Variants in COL4A4 observed in about 807,000 individuals in gnomAD.
The protein encoded by COL4A4 is collagen alpha-4(IV) chain.
In COL4A4, 105 loss-of-function variants were observed where a neutral mutation model predicts 192.9. The observed-to-expected ratio is 0.54, with a 90% CI of 0.46 to 0.64. The LOEUF is 0.64. Ranked by LOEUF, COL4A4 falls within the 30% of genes least tolerant of loss-of-function variation. The pLI is 0.00. For synonymous variants in COL4A4, 762 were observed against 769.9 expected (o/e 0.99, Z 0.17); for missense variants, 1,967 against 2,169.3 (o/e 0.91, Z 1.85).
At chr2:227,037,158 C>G (rs1180274785) in intron 37 of COL4A4, among the ~76,000 whole-genome samples, 1 of 152,126 alleles carries the variant, frequency 6.6e-6, no homozygotes, top group Admixed American at 6.5e-5. Context: ...CATAGGTATA[C>G]ATGTGCCATG....
Position 227,022,088 on chromosome 2 carries a change from T to G in COL4A4, c.4176A>C (p.Gly1392=), listed in dbSNP as rs753458224. Residue 1392 remains glycine (G), a synonymous_variant, in exon 44 of 48, where the codon GGA becomes GGC. Transcript: ENST00000396625. ...PGAPGMRGPE[G]AMGLPGMRGP... Reference sequence around the variant, plus strand: ...CTCTCATTCCAGGGAGCCCCATGGCTCCTTCTGGTCCTCTCATGCCTGGCG... The same window carrying G: ...CTCTCATTCCAGGGAGCCCCATGGCGCCTTCTGGTCCTCTCATGCCTGGCG... 15 of 1,614,094 alleles carry G rather than the reference T, an allele frequency of 9.3e-6. No homozygotes were observed. The South Asian group carries it at 1.4e-4, about 15-fold the overall frequency.
the COL4A4 span, among the ~76,000 whole-genome samples, chr2:226,978,678 G>A: frequency 6.6e-6 from 1 of 152,184 alleles, no homozygotes; most frequent in Non-Finnish European, 1.5e-5. Flanking sequence ...AATGCACGCT[G>A]TCAAAATGAT....
At chr2:227,024,552 G>A (rs1291749826) in intron 43 of COL4A4, among the ~76,000 whole-genome samples, 1 of 152,230 alleles carries the variant, frequency 6.6e-6, no homozygotes, top group Non-Finnish European at 1.5e-5. Context: ...TCAAATGTAT[G>A]CAAAAGTGTG....
At chr2:227,108,443 G>A (rs977580721) in intron 12 of COL4A4, 138 bp downstream of exon 12, 33 of 799,534 alleles carry the variant, frequency 4.1e-5, no homozygotes, top group Non-Finnish European at 6.1e-5. Flanking sequence ...ATAATAATTC[G>A]GCAAAGAAAA....
At chr2:227,019,156 C>T (rs924386568) in intron 44 of COL4A4, among the ~76,000 whole-genome samples, 3 of 152,224 alleles carry the variant, frequency 2.0e-5, no homozygotes, top group African/African-American at 4.8e-5. Context: ...CATTCAGGCT[C>T]TGCCACCTTC....
intron 4 of COL4A4, among the ~76,000 whole-genome samples, chr2:227,128,909 C>T (rs1297441989): frequency 3.9e-5 from 6 of 152,150 alleles, no homozygotes; most frequent in Non-Finnish European, 7.3e-5. Flanking sequence ...TTTCCGCACA[C>T]CCGCCAACCT....
At position 227,030,474 on chromosome 2, in the gene COL4A4, A is replaced by T; in HGVS notation, c.3942T>A (p.Phe1314Leu). 1 of 1,614,174 alleles carries T rather than the reference A, an allele frequency of 6.2e-7. No individual in the cohort carries two copies. The highest frequency in any genetic ancestry group is 8.5e-7 in the Non-Finnish European group (1 of 1,180,042). The change falls in exon 41 of 48, where the codon TTT (phenylalanine) becomes TTA (leucine). Residue 1314 changes from phenylalanine to leucine, a missense_variant. Coordinates refer to ENST00000396625, the MANE Select transcript of COL4A4 (RefSeq NM_000092.5). Reference protein sequence around the residue: ...GPPGPPGYKGFPGCDGKDGQK... With the variant: ...GPPGPPGYKGLPGCDGKDGQK... ...GGCCATCTTTTCCATCACATCCTGG[A>T]AAGCCTTTGTATCCTGGAGGGCCTG...
chr2:227,137,753 G>T (rs2062913761), intron 4 of COL4A4, among the ~76,000 whole-genome samples: 1 of 152,100 alleles, frequency 6.6e-6, no homozygotes, highest in Non-Finnish European at 1.5e-5. Context: ...CTTTGTTTTG[G>T]GGTCGGCTCA....
At chr2:226,971,794 T>C in the COL4A4 span, among the ~76,000 whole-genome samples, 1 of 152,188 alleles carries the variant, frequency 6.6e-6, no homozygotes, top group Non-Finnish European at 1.5e-5. Context: ...TGTTGAGATA[T>C]GATTTTTTTT....
chr2:227,041,595 C>T (rs931535816), intron 37 of COL4A4, among the ~76,000 whole-genome samples: 8 of 147,718 alleles, frequency 5.4e-5, no homozygotes, highest in Non-Finnish European at 3.0e-5. Flanking sequence ...GAGCTGAGAA[C>T]GCGTCACTGT....
intron 37 of COL4A4, among the ~76,000 whole-genome samples, chr2:227,039,554 T>C (rs1970370366): frequency 6.6e-6 from 1 of 152,306 alleles, no homozygotes; most frequent in South Asian, 2.1e-4. Flanking sequence ...TCAACAACAG[T>C]GGCATGAGCC....
At chr2:227,043,000 A>C (rs1032934777) in intron 36 of COL4A4, 77 bp downstream of exon 36, 14 of 1,078,842 alleles carry the variant, frequency 1.3e-5, no homozygotes, top group Non-Finnish European at 1.7e-5. Context: ...TTTAGGTCTA[A>C]TTAAAGACTG....
chr2:227,065,727 A>G (rs1237666074), intron 25 of COL4A4, among the ~76,000 whole-genome samples: 5 of 152,248 alleles, frequency 3.3e-5, no homozygotes, highest in African/African-American at 1.2e-4. Context: ...CCATCTCTAC[A>G]TCACCATCAT....
intron 40 of COL4A4, among the ~76,000 whole-genome samples, chr2:227,031,369 C>T (rs989631411): frequency 3.9e-5 from 6 of 152,116 alleles, no homozygotes; most frequent in Non-Finnish European, 5.9e-5. Flanking sequence ...AGATATCACA[C>T]GGAGCCACAC....
At chr2:227,034,344 T>C (rs1188515172) in intron 37 of COL4A4, among the ~76,000 whole-genome samples, 7 of 152,048 alleles carry the variant, frequency 4.6e-5, no homozygotes, top group African/African-American at 1.7e-4. Context: ...CTTGGTAAAG[T>C]TGGAGGAGGA....
At chr2:227,144,244 C>G (rs1393000480) in intron 3 of COL4A4, among the ~76,000 whole-genome samples, 2 of 152,020 alleles carry the variant, frequency 1.3e-5, no homozygotes, top group African/African-American at 4.8e-5. Flanking sequence ...TTGAAATGGC[C>G]CAGCTGCCTC....
chr2:227,147,422 G>C lies in COL4A4; in HGVS notation c.62C>G (p.Thr21Arg). 1 of 1,613,498 alleles carries C rather than the reference G, an allele frequency of 6.2e-7. No homozygotes were observed. Residue 21 changes from threonine (T) to arginine (R), a missense_variant, in exon 2 of 48, where the codon ACA becomes AGA. Transcript: ENST00000396625. Reference sequence around the variant, plus strand: ...CACTGAGGATACTCACCAGGGACCTGTGGCCAAGGACTTGGTCAATCTGAA... The same window carrying C: ...CACTGAGGATACTCACCAGGGACCTCTGGCCAAGGACTTGGTCAATCTGAA... The part of the protein sequence containing the change: ...CSFRLTKSLA[T>R]GPWSLILILF...
At chr2:227,110,495 G>C (rs538284497) in intron 9 of COL4A4, among the ~76,000 whole-genome samples, 5 of 152,146 alleles carry the variant, frequency 3.3e-5, no homozygotes, top group African/African-American at 1.2e-4. Flanking sequence ...GCAGTTCTCT[G>C]CCTCAGCCTC....
intron 44 of COL4A4, among the ~76,000 whole-genome samples, chr2:227,018,606 G>C (rs1386156450): frequency 6.6e-6 from 1 of 152,214 alleles, no homozygotes; most frequent in African/African-American, 2.4e-5. Context: ...CCCCAGGGAA[G>C]CTGGGCCACA....
Sources: gnomAD v4.1 joint callset for allele counts (sites outside exome capture counted in the v4.1 genomes callset) on GRCh38, gnomAD v4.1.1 for gene constraint, MANE v1.5 for transcripts, NCBI Gene and HGNC (gene_info 2026-07-23, HGNC 2026-07-21) for gene names.